CCND3: variants seen among roughly 807,000 people sequenced by gnomAD.
CCND3 encodes G1/S-specific cyclin-D3.
A neutral mutation model predicts 28.7 loss-of-function variants in CCND3; 9 were observed. That is an observed-to-expected ratio of 0.31 (90% confidence interval 0.19 to 0.55). CCND3 has a LOEUF of 0.55. CCND3 is among the 20% of genes least tolerant of loss of function. The probability of loss-of-function intolerance (pLI) is 0.93; values close to 1 mark genes in which losing one functional copy is unlikely to be tolerated. For missense variants in CCND3, 315 were observed against 385.8 expected (o/e 0.82, Z 1.54); for synonymous variants, 164 against 163.9 (o/e 1.00, Z 0.00).
chr6:42,006,899 C>G (rs1179639865), intron 1 of CCND3, among the ~76,000 whole-genome samples: 3 of 148,394 alleles, frequency 2.0e-5, no homozygotes, highest in Non-Finnish European at 4.5e-5. Flanking sequence ...CAGAGCAAGA[C>G]TCTGTCTCAA....
At chr6:41,937,094 T>C (rs1775826502) in intron 3 of CCND3, 141 bp downstream of exon 3, 1 of 877,206 alleles carries the variant, frequency 1.1e-6, no homozygotes, top group Non-Finnish European at 1.8e-6. Context: ...CCTGCTTTTC[T>C]GCATTGAGAC....
Position 42,042,534 on chromosome 6 carries a change from C to A in CCND3, c.-46+5967G>T, listed in dbSNP as rs148621001. Among the ~76,000 whole-genome samples the A allele has an allele frequency of 7.0e-3, 1,063 of 152,112 alleles. 15 individuals are homozygous for A. Among genetic ancestry groups the A allele is most frequent in the African/African-American group, 0.024 (996 of 41,514 alleles). On this transcript the variant is annotated intron_variant, in intron 1 of 4. Transcript: ENST00000372988. ...CGCCACCACACCCAGCTAATTTTGT[C>A]TTTTTAGTAGAGACGGGGTTTCTCC... is the stretch of plus-strand genomic sequence containing the variant.
In CCND3 at chr6:41,999,156, A is replaced by G. The variant is rs562237334; in HGVS notation, c.-46+49345T>C. On this transcript the variant is annotated intron_variant, in intron 1 of 4. Coordinates refer to the CCND3 transcript ENST00000372988. Reference sequence around the variant, plus strand: ...ATCAGAATTTGTGCTGTGGCTGGGCATGGTGGCTGAGATAGCGCCATTGCG... The same window carrying G: ...ATCAGAATTTGTGCTGTGGCTGGGCGTGGTGGCTGAGATAGCGCCATTGCG... 4.7e-4 allele frequency among the ~76,000 whole-genome samples: 72 copies of G among 152,312 alleles called. 1 individual carries two copies. The highest frequency in any genetic ancestry group is 4.7e-3 in the Admixed American group (72 of 15,286).
intron 1 of CCND3, among the ~76,000 whole-genome samples, chr6:42,012,894 G>A (rs573060235): frequency 6.6e-6 from 1 of 152,260 alleles, no homozygotes; most frequent in South Asian, 2.1e-4. Flanking sequence ...TTCTGGAGAT[G>A]GGAAAGTCAC....
chr6:41,964,463 A>AGT (rs10526814), intron 1 of CCND3, among the ~76,000 whole-genome samples: 16 of 146,222 alleles, frequency 1.1e-4, no homozygotes, highest in African/African-American at 3.7e-4. Context: ...TCTGTGTGTG[A>AGT]GTGTGTGTGT....
intron 1 of CCND3, among the ~76,000 whole-genome samples, chr6:42,034,469 T>TTC (rs1764141942): frequency 2.5e-5 from 1 of 40,092 alleles, no homozygotes; most frequent in East Asian, 9.6e-4. Context: ...CCTGTCACTC[T>TTC]TTTTTTTTTT....
chr6:41,975,552 G>T (rs9394842), intron 1 of CCND3, among the ~76,000 whole-genome samples: 2 of 152,000 alleles, frequency 1.3e-5, no homozygotes, highest in Non-Finnish European at 2.9e-5. Flanking sequence ...GCCTCGGCTG[G>T]CACATTATCT....
chr6:42,022,009 T>C (rs577561244), intron 1 of CCND3, among the ~76,000 whole-genome samples: 143 of 152,322 alleles, frequency 9.4e-4, no homozygotes, highest in Admixed American at 2.5e-3. Context: ...ACCACCTTGC[T>C]AGCTTAAAGG....
At chr6:42,034,454 C>G (rs1276778934) in intron 1 of CCND3, among the ~76,000 whole-genome samples, 4 of 145,462 alleles carry the variant, frequency 2.7e-5, no homozygotes, top group Admixed American at 6.9e-5. Context: ...CCGTGCCTGG[C>G]CAACCCTGTC....
chr6:42,041,740 T>A (rs565268195), intron 1 of CCND3, among the ~76,000 whole-genome samples: 1 of 152,200 alleles, frequency 6.6e-6, no homozygotes, highest in African/African-American at 2.4e-5. Flanking sequence ...GCACCCAGCA[T>A]GGCAAAGCTT....
At chr6:42,020,419 C>T (rs1763673105) in intron 1 of CCND3, among the ~76,000 whole-genome samples, 1 of 152,262 alleles carries the variant, frequency 6.6e-6, no homozygotes, top group South Asian at 2.1e-4. Flanking sequence ...TCCTCCCTTG[C>T]TCCACTGTGT....
intron 1 of CCND3, among the ~76,000 whole-genome samples, chr6:42,000,866 T>C (rs2127421573): frequency 6.6e-6 from 1 of 151,554 alleles, no homozygotes; most frequent in Admixed American, 6.6e-5. Flanking sequence ...CGCCTGGCCA[T>C]GAAACAAATC....
At chr6:41,992,460 C>CAATATTTTATGTGTCTTGGGACAGGGT (rs1762678845) in intron 1 of CCND3, among the ~76,000 whole-genome samples, 1 of 90,238 alleles carries the variant, frequency 1.1e-5, no homozygotes. Context: ...CCACACCCAG[C>CAATATTTTATGTGTCTTGGGACAGGGT]CGGTTTTTTT....
At chr6:41,957,611 G>A (rs1776468367) in intron 1 of CCND3, among the ~76,000 whole-genome samples, 1 of 152,142 alleles carries the variant, frequency 6.6e-6, no homozygotes, top group South Asian at 2.1e-4. Context: ...TGTTTCCTGT[G>A]AATAAATCCT....
intron 1 of CCND3, among the ~76,000 whole-genome samples, chr6:42,028,971 G>T (rs925219690): frequency 4.8e-4 from 66 of 137,810 alleles, no homozygotes; most frequent in Non-Finnish European, 7.5e-4. Flanking sequence ...CCTTGAAACG[G>T]TTTTTTTTTT....
Position 41,941,222 on chromosome 6 carries a change from C to A in CCND3, c.198+230G>T. 1 of 1,434,790 alleles carries A rather than the reference C, an allele frequency of 7.0e-7. No homozygotes were observed. Among genetic ancestry groups the A allele is most frequent in the Non-Finnish European group, 9.1e-7 (1 of 1,098,620 alleles). 88.9% of individuals were successfully genotyped at this position (1,434,790 alleles called of 1,614,324 possible). Reference sequence around the variant, plus strand: ...CCCGTTTGCTCGGCCCGAAGAGAGGCACAGTTAGGGTGCCAAGTGACTGGC... The same window carrying A: ...CCCGTTTGCTCGGCCCGAAGAGAGGAACAGTTAGGGTGCCAAGTGACTGGC... On this transcript the variant is annotated intron_variant, in intron 1 of 4. Transcript: ENST00000372991. The surrounding 1 kb of genome is among the most constrained non-coding windows in gnomAD (Gnocchi z 6.1).
At chr6:41,974,783 C>T (rs1231820286) in intron 1 of CCND3, among the ~76,000 whole-genome samples, 1 of 144,774 alleles carries the variant, frequency 6.9e-6, no homozygotes, top group Admixed American at 7.6e-5. Context: ...CTGTCAATTC[C>T]CCACAGTTCT....
rs549387513 is a variant in CCND3 at position 41,972,385 on chromosome 6, C to A, written c.-45-31800G>T. ...TGAAGATTTTCCCCTAGAGCTACAA[C>A]GTCCTCTGCTTATACTACATCATGA... On this transcript the variant is annotated intron_variant, in intron 1 of 4. Coordinates refer to the CCND3 transcript ENST00000372988. Among the ~76,000 whole-genome samples, 13 of 152,194 alleles carry A rather than the reference C, an allele frequency of 8.5e-5. 1 individual carries two copies. The highest frequency in any genetic ancestry group is 8.5e-4 in the Admixed American group (13 of 15,274).
At position 41,935,692 on chromosome 6, in the gene CCND3, G is replaced by C. The variant is rs1044754772; in HGVS notation, c.*248C>G. 2 of 542,494 alleles carry C rather than the reference G, an allele frequency of 3.7e-6. No individual in the cohort carries two copies. Among genetic ancestry groups the C allele is most frequent in the African/African-American group, 3.8e-5 (2 of 53,222 alleles). 33.6% of individuals were successfully genotyped at this position (542,494 alleles called of 1,614,324 possible). A position where few individuals can be genotyped will look rare whatever the true frequency, so the allele number is the denominator to read the frequency against. The stretch of plus-strand genomic sequence containing the variant: ...CATCAGCCTGGCCCACCCCCAGCTA[G>C]AGTTGGGAAAGGCGCTGCTGGTCAG... On this transcript the variant is annotated 3_prime_UTR_variant, in exon 5 of 5. Transcript: ENST00000372991.
Sources: gnomAD v4.1 joint callset for allele counts (sites outside exome capture counted in the v4.1 genomes callset) on GRCh38, gnomAD v4.1.1 for gene constraint, Gnocchi (gnomAD v3.1) non-coding constraint, MANE v1.5 for transcripts, NCBI Gene and HGNC (gene_info 2026-07-23, HGNC 2026-07-21) for gene names.